Variants in ZEB2 observed in about 807,000 individuals in gnomAD.
The protein encoded by ZEB2 is zinc finger E-box binding homeobox 2, also known as zinc finger E-box-binding homeobox 2.
ZEB2 carries 6 observed loss-of-function variants against 99.9 expected under a neutral mutation model. That is an observed-to-expected ratio of 0.06 (90% CI 0.03 to 0.12). The LOEUF (loss-of-function observed/expected upper bound fraction) is 0.12. Ranked by LOEUF, ZEB2 falls within the 10% of genes least tolerant of loss-of-function variation. The probability of loss-of-function intolerance (pLI) is 1.00; values close to 1 mark genes in which losing one functional copy is unlikely to be tolerated. For missense variants in ZEB2, 969 were observed against 1,502.8 expected, an observed-to-expected ratio of 0.64 and a Z score of 5.87; for synonymous variants, 517 against 542.5, an observed-to-expected ratio of 0.95 and a Z score of 0.65.
intron 2 of ZEB2, among the ~76,000 whole-genome samples, chr2:144,490,566 T>A (rs1704662803): frequency 6.6e-6 from 1 of 152,232 alleles, no homozygotes; most frequent in African/African-American, 2.4e-5. Context: ...CAGTTAGAGA[T>A]CCTGCCATCA....
At chr2:144,407,401 C>T (rs1703402094) in intron 4 of ZEB2, among the ~76,000 whole-genome samples, 1 of 152,158 alleles carries the variant, frequency 6.6e-6, no homozygotes, top group African/African-American at 2.4e-5. Context: ...TTGCTGTATG[C>T]ACAATGTCAT....
rs113731061 is a variant in ZEB2 at position 144,441,164 on chromosome 2, C to CGAGAGAGAGAGAGAGA, written c.74-11154_74-11139dup. Among the ~76,000 whole-genome samples the CGAGAGAGAGAGAGAGA allele has an allele frequency of 7.4e-3, 660 of 88,900 alleles. 43 individuals carry two copies. Among genetic ancestry groups the CGAGAGAGAGAGAGAGA allele is most frequent in the African/African-American group, 0.012 (274 of 22,464 alleles). 58.3% of individuals were successfully genotyped at this position (88,900 alleles called of 152,430 possible). On this transcript the variant is annotated intron_variant, in intron 2 of 9. Transcript: ENST00000627532. ...CCTTCCTTCTCTTCCTTTAGCTGCACGAGAGAGAGAGAGAGAGAGAGAGAG... is the reference window on the plus strand; with the variant it reads ...CCTTCCTTCTCTTCCTTTAGCTGCACGAGAGAGAGAGAGAGAGAGAGAGAGAGAGAGAGAGAGAGAG...
At chr2:144,429,498 C>A in intron 3 of ZEB2, 1 of 485,288 alleles carries the variant, frequency 2.1e-6, no homozygotes, top group Non-Finnish European at 3.8e-6. Flanking sequence ...AAATGTGGTG[C>A]AAATACCTCA....
At chr2:144,484,965 C>T (rs1704573483) in intron 2 of ZEB2, among the ~76,000 whole-genome samples, 1 of 152,146 alleles carries the variant, frequency 6.6e-6, no homozygotes, top group Admixed American at 6.5e-5. Flanking sequence ...ATTTTCTGGT[C>T]CTGGGTCCCT....
At chr2:144,513,981 C>A in intron 2 of ZEB2, 2 of 1,097,854 alleles carry the variant, frequency 1.8e-6, no homozygotes, top group Non-Finnish European at 2.5e-6. Flanking sequence ...CCTCCTTCCC[C>A]CTCACCCCAC....
At chr2:144,511,993 C>G in intron 2 of ZEB2, 1 of 1,287,188 alleles carries the variant, frequency 7.8e-7, no homozygotes, top group Non-Finnish European at 1.0e-6. Context: ...CCTCCTTTAT[C>G]TCTTTGCTCT....
At chr2:144,490,680 C>T (rs1704664877) in intron 2 of ZEB2, among the ~76,000 whole-genome samples, 2 of 152,170 alleles carry the variant, frequency 1.3e-5, no homozygotes, top group Non-Finnish European at 2.9e-5. Context: ...CTTTCTGCAA[C>T]TTTGACACAA....
chr2:144,491,976 CA>C (rs1469709044), intron 2 of ZEB2, among the ~76,000 whole-genome samples: 4 of 152,148 alleles, frequency 2.6e-5, no homozygotes, highest in African/African-American at 9.7e-5. Flanking sequence ...GTGTTTTAAT[CA>C]ACTCTATTAA....
chr2:144,412,041 G>A (rs572060727), intron 4 of ZEB2, among the ~76,000 whole-genome samples: 6 of 152,220 alleles, frequency 3.9e-5, no homozygotes, highest in Non-Finnish European at 7.3e-5. Flanking sequence ...AGGCCGAGGT[G>A]GGCGGATCAC....
At chr2:144,459,104 T>C (rs933353124) in intron 2 of ZEB2, among the ~76,000 whole-genome samples, 4 of 152,066 alleles carry the variant, frequency 2.6e-5, no homozygotes, top group African/African-American at 7.2e-5. Flanking sequence ...CATACACAAA[T>C]AGAAATATCT....
chr2:144,384,267 T>C lies in ZEB2; in HGVS notation c.*5184A>G, dbSNP rs1038747807. ...TATAGGTAGTAGGCGACTCGTTTAA[T>C]AGAGAAAGTTTTAGCTTGTGGCATA... On this transcript the variant is annotated 3_prime_UTR_variant, in exon 10 of 10. Transcript: ENST00000627532. 6.6e-6 allele frequency: 1 copy of C among 152,158 alleles called. No individual in the cohort carries two copies. Among genetic ancestry groups the C allele is most frequent in the East Asian group, 1.9e-4 (1 of 5,192 alleles). The allele number at this position is 152,158 out of a possible 1,614,324, so 9.4% of individuals were successfully genotyped here. A position where few individuals can be genotyped will look rare whatever the true frequency, so the allele number is the denominator to read the frequency against.
At chr2:144,463,587 G>A (rs750101891) in intron 2 of ZEB2, 1 of 152,098 alleles carries the variant, frequency 6.6e-6, no homozygotes, top group African/African-American at 2.4e-5. Context: ...CCAGCACTTT[G>A]GGAGGCTGAG....
intron 2 of ZEB2, among the ~76,000 whole-genome samples, chr2:144,482,929 T>C (rs1008807651): frequency 1.3e-5 from 2 of 152,276 alleles, no homozygotes; most frequent in African/African-American, 4.8e-5. Flanking sequence ...TGCTTTTATA[T>C]ATGGAGGGTG....
chr2:144,480,148 T>G (rs1367396313), intron 2 of ZEB2, among the ~76,000 whole-genome samples: 3 of 152,178 alleles, frequency 2.0e-5, no homozygotes, highest in East Asian at 1.9e-4. Flanking sequence ...AATAGTCTTT[T>G]ATTTGATTTG....
intron 2 of ZEB2, among the ~76,000 whole-genome samples, chr2:144,455,856 T>A (rs1704115597): frequency 6.6e-6 from 1 of 152,164 alleles, no homozygotes; most frequent in South Asian, 2.1e-4. Context: ...GCCATTATTA[T>A]TACTTAAAGT....
At chr2:144,495,759 C>T (rs1417772829) in intron 2 of ZEB2, 1 of 152,302 alleles carries the variant, frequency 6.6e-6, no homozygotes, top group African/African-American at 2.4e-5. Context: ...AGTCCAGTTA[C>T]ACTGCACTTG....
Position 144,464,546 on chromosome 2 carries a change from A to C in ZEB2, c.74-34520T>G, listed in dbSNP as rs373770299. On this transcript the variant is annotated intron_variant, in intron 2 of 9. Coordinates refer to ENST00000627532, the MANE Select transcript of ZEB2 (RefSeq NM_014795.4). The stretch of plus-strand genomic sequence containing the variant: ...CAAGCAATCATTAGCTCAGCTATAA[A>C]AGGGTTTAAATACTAATGGTTTTTT... Among the ~76,000 whole-genome samples the C allele has an allele frequency of 3.3e-5, 5 of 152,300 alleles. No homozygotes were observed. In the South Asian group the frequency reaches 1.0e-3, roughly 32 times the overall value.
At position 144,484,185 on chromosome 2, in the gene ZEB2, T is replaced by TGTGTGTGTGTGTGTGTG. The variant is rs1704560817; in HGVS notation, c.73+33092_73+33093insCACACACACACACACAC. On this transcript the variant is annotated intron_variant, in intron 2 of 9. Transcript: ENST00000627532. ...CTCCAGGGGAGCTGGAAATCTGGAT[T>TGTGTGTGTGTGTGTGTG]TGTGTGTGTGTGTGTGTGTGTGTGT... Among the ~76,000 whole-genome samples, 74 of 142,414 alleles carry TGTGTGTGTGTGTGTGTG rather than the reference T, an allele frequency of 5.2e-4. 1 individual carries two copies. The highest frequency in any genetic ancestry group is 9.7e-4 in the Non-Finnish European group (63 of 65,234). 93.4% of individuals were successfully genotyped at this position (142,414 alleles called of 152,430 possible). A position where few individuals can be genotyped will look rare whatever the true frequency, so the allele number is the denominator to read the frequency against.
chr2:144,509,124 C>G (rs1228173024), intron 2 of ZEB2, among the ~76,000 whole-genome samples: 2 of 152,202 alleles, frequency 1.3e-5, no homozygotes, highest in East Asian at 1.9e-4. Flanking sequence ...AGCCAGAATT[C>G]TGAGTGTCTT....
Sources: allele counts gnomAD v4.1 joint callset (sites outside exome capture counted in the v4.1 genomes callset), GRCh38; gene constraint gnomAD v4.1.1; transcripts MANE v1.5; gene names NCBI Gene and HGNC (gene_info 2026-07-23, HGNC 2026-07-21).